The following ZNG1F variants were observed in gnomAD, a reference collection of about 807,000 sequenced individuals.
The protein encoded by ZNG1F is Zn regulated GTPase metalloprotein activator 1F.
the ZNG1F span, among the ~76,000 whole-genome samples, chr9:41,154,796 G>A: frequency 1.3e-5 from 2 of 150,238 alleles, no homozygotes; most frequent in Admixed American, 1.3e-4. Context: ...AAACCGGCTA[G>A]CCATATGTCG....
the ZNG1F span, among the ~76,000 whole-genome samples, chr9:41,141,103 A>T: frequency 1.3e-5 from 2 of 150,910 alleles, no homozygotes; most frequent in African/African-American, 4.9e-5. Context: ...GGTACAATAA[A>T]CTCCAGTATG....
chr9:41,139,739 G>A, the ZNG1F span, among the ~76,000 whole-genome samples: 2 of 151,668 alleles, frequency 1.3e-5, no homozygotes, highest in African/African-American at 4.8e-5. Context: ...ACAGTTGAAT[G>A]GATAAAATAA....
the ZNG1F span, among the ~76,000 whole-genome samples, chr9:41,146,456 A>G: frequency 7.4e-5 from 2 of 26,870 alleles, 1 homozygote; most frequent in African/African-American, 1.5e-4. Flanking sequence ...TTTAGTTCCC[A>G]TAAGTCTCAG....
the ZNG1F span, among the ~76,000 whole-genome samples, chr9:41,204,492 G>T: frequency 5.3e-5 from 1 of 18,792 alleles, no homozygotes; most frequent in Non-Finnish European, 1.6e-4. Context: ...TTTTGGCAGG[G>T]ATACTACAAA....
the ZNG1F span, among the ~76,000 whole-genome samples, chr9:41,205,191 CAAT>C: frequency 7.6e-6 from 1 of 130,988 alleles, no homozygotes; most frequent in East Asian, 2.3e-4. Flanking sequence ...TCCTCTTTCA[CAAT>C]TTATACCTTT....
chr9:41,154,954 CAT>C, the ZNG1F span, among the ~76,000 whole-genome samples: 21,723 of 149,274 alleles, frequency 0.15, 784 homozygotes, highest in Middle Eastern at 0.22. Context: ...GCAAGGACTT[CAT>C]GTCTAAAACA....
At chr9:41,131,769 T>A in the ZNG1F span, 1 of 388,680 alleles carries the variant, frequency 2.6e-6, no homozygotes, top group East Asian at 4.2e-5. Context: ...AAATGTGTTG[T>A]CCACTGCTTT....
chr9:41,134,038 G>A, the ZNG1F span: 14 of 407,410 alleles, frequency 3.4e-5, no homozygotes, highest in South Asian at 1.9e-4. Flanking sequence ...TCATTCTTTC[G>A]TGGATTCTCA....
the ZNG1F span, among the ~76,000 whole-genome samples, chr9:41,195,711 C>G: frequency 3.1e-4 from 29 of 94,222 alleles, no homozygotes; most frequent in African/African-American, 8.2e-4. Context: ...GGTGGAATGA[C>G]AGGAGTGGAG....
the ZNG1F span, chr9:41,157,554 A>G: frequency 6.9e-6 from 1 of 145,120 alleles, no homozygotes; most frequent in Non-Finnish European, 1.5e-5. Flanking sequence ...TGACAAATGT[A>G]TAATTTCAAA....
the ZNG1F span, chr9:41,171,796 C>G: frequency 2.7e-6 from 1 of 371,430 alleles, no homozygotes; most frequent in African/African-American, 5.5e-5. Context: ...AGGTTGGATA[C>G]AAAACAGACA....
chr9:41,155,237 A>G, the ZNG1F span, among the ~76,000 whole-genome samples: 1 of 150,948 alleles, frequency 6.6e-6, no homozygotes, highest in Non-Finnish European at 1.5e-5. Context: ...TTATGCCACC[A>G]AAAAACACAT....
chr9:41,177,247 T>C, the ZNG1F span: 1 of 151,974 alleles, frequency 6.6e-6, no homozygotes, highest in Admixed American at 6.6e-5. Flanking sequence ...TCTAATAATT[T>C]GACCAAAAAA....
chr9:41,150,312 G>T, the ZNG1F span, among the ~76,000 whole-genome samples: 5 of 150,658 alleles, frequency 3.3e-5, no homozygotes, highest in African/African-American at 1.2e-4. Context: ...CACCTGGCTC[G>T]GAGGGTCCCA....
the ZNG1F span, among the ~76,000 whole-genome samples, chr9:41,195,571 T>C: frequency 7.0e-6 from 1 of 142,936 alleles, no homozygotes; most frequent in East Asian, 2.1e-4. Context: ...TACAGTTGAG[T>C]CACTTGTAAG....
chr9:41,131,973 C>T, the ZNG1F span: 1 of 543,132 alleles, frequency 1.8e-6, no homozygotes, highest in Non-Finnish European at 3.3e-6. Context: ...TGAGTGATTC[C>T]ATCTTTAACT....
At chr9:41,144,593 C>G in the ZNG1F span, among the ~76,000 whole-genome samples, 2 of 147,800 alleles carry the variant, frequency 1.4e-5, no homozygotes, top group African/African-American at 5.0e-5. Flanking sequence ...TTACAACCAA[C>G]AGCAATTCAA....
the ZNG1F span, among the ~76,000 whole-genome samples, chr9:41,200,345 A>G: frequency 2.4e-5 from 1 of 41,070 alleles, no homozygotes; most frequent in Non-Finnish European, 5.2e-5. Flanking sequence ...AAATGCCCCT[A>G]GTATCTTTAC....
chr9:41,150,380 G>A, the ZNG1F span, among the ~76,000 whole-genome samples: 2 of 147,048 alleles, frequency 1.4e-5, no homozygotes, highest in East Asian at 2.1e-4. Context: ...CTGCAAGGCG[G>A]CAGCGAGGCT....
Sources: allele counts gnomAD v4.1 joint callset (sites outside exome capture counted in the v4.1 genomes callset), GRCh38; gene constraint gnomAD v4.1.1; transcripts MANE v1.5; gene names NCBI Gene and HGNC (gene_info 2026-07-23, HGNC 2026-07-21).